The following MRPL9 variants were observed in gnomAD, a reference collection of about 807,000 sequenced individuals.
MRPL9 encodes large ribosomal subunit protein bL9m.
In MRPL9, 25 loss-of-function variants were observed where a neutral mutation model predicts 27.6. The observed-to-expected ratio is 0.91, with a 90% CI of 0.66 to 1.27. The LOEUF (loss-of-function observed/expected upper bound fraction) is 1.27. Ranked by LOEUF, MRPL9 falls within the 50% of genes most tolerant of loss-of-function variation. The pLI is 0.00. For missense variants in MRPL9, 362 were observed against 338.0 expected (o/e 1.07, Z -0.56); for synonymous variants, 154 against 139.0 (o/e 1.11, Z -0.76).
chr1:151,760,673 A>G, intron 6 of MRPL9, 143 bp downstream of exon 6: 1 of 644,890 alleles, frequency 1.6e-6, no homozygotes, highest in Non-Finnish European at 2.5e-6. Flanking sequence ...TGGGAGGCTG[A>G]GGTGGGAGGA....
intron 6 of MRPL9, 113 bp downstream of exon 6, chr1:151,760,703 T>G (rs1648023369): frequency 2.1e-6 from 2 of 961,074 alleles, no homozygotes; most frequent in Middle Eastern, 2.2e-4. Context: ...CCCAGGAGTT[T>G]GAATCCAGCC....
At chr1:151,762,778 T>C (rs1440035172) in intron 2 of MRPL9, 1 of 701,104 alleles carries the variant, frequency 1.4e-6, no homozygotes, top group Non-Finnish European at 2.4e-6. Flanking sequence ...CCCCACACAC[T>C]GTTAATGATG....
In MRPL9 at chr1:151,760,165, G is replaced by GT; in HGVS notation, c.688dup (p.Thr230AsnfsTer12). The GT allele has an allele frequency of 1.1e-5, 17 of 1,614,146 alleles. No individual in the cohort carries two copies. Among genetic ancestry groups the GT allele is most frequent in the Non-Finnish European group, 1.4e-5 (16 of 1,180,024 alleles). On this transcript the variant is annotated frameshift_variant, in exon 7 of 7. Coordinates refer to ENST00000368830, the MANE Select transcript of MRPL9 (RefSeq NM_031420.4). LOFTEE classifies it low-confidence loss of function (END_TRUNC). ...CACGACAGACATAGGCACTCTCACA[G>GT]TATCAAGCCCATTTACCTGCACACA...
In MRPL9 at chr1:151,760,795, G is replaced by C; in HGVS notation, c.672+21C>G. On this transcript the variant is annotated intron_variant, in intron 6 of 6. Transcript: ENST00000368830. ...GGAAAAGGAGAAAGAAAAGAAAAAA[G>C]AAAGTATGCAAAACACTCACCGTCA... The C allele has an allele frequency of 2.0e-6, 3 of 1,535,718 alleles. No homozygotes were observed. The South Asian group carries it at 3.7e-5, about 19-fold the overall frequency.
At position 151,760,910 on chromosome 1, in the gene MRPL9, A is replaced by C; in HGVS notation, c.589-11T>G. 1 of 1,540,152 alleles carries C rather than the reference A, an allele frequency of 6.5e-7. No homozygotes were observed. Among genetic ancestry groups the C allele is most frequent in the East Asian group, 2.3e-5 (1 of 44,232 alleles). ...AACCACAACACCAAGCTGCAAAAAA[A>C]AAAAAAAAAAAAAAAATCTCAGCTC... is the stretch of plus-strand genomic sequence containing the variant. On this transcript the variant is annotated splice_polypyrimidine_tract_variant and intron_variant, in intron 5 of 6. Coordinates refer to ENST00000368830, the MANE Select transcript of MRPL9 (RefSeq NM_031420.4).
Position 151,760,919 on chromosome 1 carries a change from A to AAAAAAAAAAC in MRPL9, c.589-21_589-20insGTTTTTTTTT. 1 of 1,550,258 alleles carries AAAAAAAAAAC rather than the reference A, an allele frequency of 6.5e-7. No individual in the cohort carries two copies. The highest frequency in any genetic ancestry group is 8.6e-7 in the Non-Finnish European group (1 of 1,159,064). On this transcript the variant is annotated intron_variant, in intron 5 of 6. Transcript: ENST00000368830. ...ACCAAGCTGCAAAAAAAAAAAAAAA[A>AAAAAAAAAAC]AAAAAAATCTCAGCTCAAATGAACT...
At chr1:151,760,675 G>A in intron 6 of MRPL9, 141 bp downstream of exon 6, 1 of 678,140 alleles carries the variant, frequency 1.5e-6, no homozygotes, top group Non-Finnish European at 2.3e-6. Context: ...GGAGGCTGAG[G>A]TGGGAGGATC....
In MRPL9 at chr1:151,762,919, G is replaced by A. The variant is rs769813857; in HGVS notation, c.310+71C>T. The A allele has an allele frequency of 6.5e-6, 10 of 1,537,924 alleles. No homozygotes were observed. In the South Asian group the frequency reaches 7.2e-5, roughly 11 times the overall value. ...AGAAAAAGCAAGGCAAATAGTTGAG[G>A]GGGACGGGCTAGAAAAAGCTGATGC... On this transcript the variant is annotated intron_variant, in intron 2 of 6. Coordinates refer to ENST00000368830, the MANE Select transcript of MRPL9 (RefSeq NM_031420.4).
In MRPL9 at chr1:151,760,057, T is replaced by TG. The variant is rs748653379; in HGVS notation, c.796dup (p.Gln266ProfsTer42). 2 of 1,613,870 alleles carry TG rather than the reference T, an allele frequency of 1.2e-6. No homozygotes were observed. The highest frequency in any genetic ancestry group is 1.3e-5 in the African/African-American group (1 of 75,038). ...CTTGGAGGGAGAGTAGATTTAGATC[T>TG]GGGGGCTGGTGGGGGCCATAGCCTT... On this transcript the variant is annotated frameshift_variant, in exon 7 of 7. Coordinates refer to ENST00000368830, the MANE Select transcript of MRPL9 (RefSeq NM_031420.4). LOFTEE classifies it high-confidence loss of function.
chr1:151,761,968 T>C lies in MRPL9; in HGVS notation c.486+137A>G, dbSNP rs916532052. 1.2e-5 allele frequency: 10 copies of C among 842,842 alleles called. No homozygotes were observed. In the African/African-American group the frequency reaches 1.7e-4, roughly 14 times the overall value. The allele number at this position is 842,842 out of a possible 1,614,324, so 52.2% of individuals were successfully genotyped here. A position where few individuals can be genotyped will look rare whatever the true frequency, so the allele number is the denominator to read the frequency against. On this transcript the variant is annotated intron_variant, in intron 4 of 6. Transcript: ENST00000368830. ...TCCCAAGAGGTCTCCATACCTGTTT[T>C]GTGGGGCAGCCACAACACTTCCCCT...
chr1:151,760,993 G>T, intron 5 of MRPL9, 94 bp from the exon 6 acceptor site: 1 of 1,173,592 alleles, frequency 8.5e-7, no homozygotes, highest in African/African-American at 1.6e-5. Context: ...AGGGTTACAG[G>T]ATTCCCTGCA....
chr1:151,762,024 AC>A, intron 4 of MRPL9, 80 bp downstream of exon 4: 1 of 1,379,344 alleles, frequency 7.2e-7, no homozygotes, highest in Non-Finnish European at 1.0e-6. Context: ...CAATCAGGAG[AC>A]CTCAAGGGAA....
intron 2 of MRPL9, 118 bp downstream of exon 2, chr1:151,762,872 T>G (rs910271578): frequency 8.2e-6 from 10 of 1,216,878 alleles, no homozygotes; most frequent in African/African-American, 7.6e-5. Context: ...TTCTCACATA[T>G]AGAGTTGGAT....
chr1:151,761,429 G>T, intron 5 of MRPL9, 22 bp downstream of exon 5: 1 of 1,575,526 alleles, frequency 6.3e-7, no homozygotes, highest in Non-Finnish European at 8.7e-7. Context: ...GGGTAGAGTG[G>T]TTTTTGGGAA....
rs777168753 is a variant in MRPL9, at chr1:151,762,385, C to T, written c.426G>A (p.Glu142=). 4 of 1,614,074 alleles carry T rather than the reference C, an allele frequency of 2.5e-6. No homozygotes were observed. The highest frequency in any genetic ancestry group is 3.4e-6 in the Non-Finnish European group (4 of 1,180,036). The change falls in exon 3 of 7, where the codon GAG becomes GAA. Residue 142 remains glutamate, a synonymous_variant. Transcript: ENST00000368830. ...ASPENKKLFE[E]EKLLRQEGKL... ...CTTCCTTTGAGCTCACCAATTTCTCCTCTTCAAACAGCTTCTTGTTTTCAG... is the reference window on the plus strand; with the variant it reads ...CTTCCTTTGAGCTCACCAATTTCTCTTCTTCAAACAGCTTCTTGTTTTCAG...
rs1647980740 is a variant in MRPL9 at position 151,759,854 on chromosome 1, A to C, written c.*196T>G. On this transcript the variant is annotated 3_prime_UTR_variant, in exon 7 of 7. Coordinates refer to ENST00000368830, the MANE Select transcript of MRPL9 (RefSeq NM_031420.4). The stretch of plus-strand genomic sequence containing the variant: ...TACAGCCTGGTACTTCTGGAACAGG[A>C]CTTCCCTGCCCCAGTGATGACAGTT... 3 of 645,166 alleles carry C rather than the reference A, an allele frequency of 4.6e-6. No individual in the cohort carries two copies. The South Asian group carries it at 7.8e-5, about 17-fold the overall frequency. The allele number at this position is 645,166 out of a possible 1,614,324, so 40.0% of individuals were successfully genotyped here.
Position 151,763,055 on chromosome 1 carries a change from A to T in MRPL9, c.245T>A (p.Leu82Gln). Residue 82 changes from leucine (L) to glutamine (Q), a missense_variant, in exon 2 of 7, where the codon CTG (leucine) becomes CAG (glutamine). Leu to Gln is a moderately radical substitution (Grantham distance 113, BLOSUM62 -2). Transcript: ENST00000368830. ...GGGCCGATGCTTCGTGTCCTCCACC[A>T]GCTTATAGACGCGATGTCGCCGGTG... ...RLHRRHRVYKLVEDTKHRPKE... is the reference protein window; with the variant it reads ...RLHRRHRVYKQVEDTKHRPKE... The T allele has an allele frequency of 5.6e-6, 9 of 1,614,168 alleles. No homozygotes were observed. Among genetic ancestry groups the T allele is most frequent in the Non-Finnish European group, 7.6e-6 (9 of 1,180,044 alleles).
rs1407374386 is a variant in MRPL9, at chr1:151,761,558, A to G, written c.487-6T>C. 27 of 1,597,364 alleles carry G rather than the reference A, an allele frequency of 1.7e-5. No individual in the cohort carries two copies. The highest frequency in any genetic ancestry group is 2.2e-5 in the Non-Finnish European group (26 of 1,165,584). ...CTTTTTAGAAATTTCACTGTCTGAA[A>G]GGAATTATGAGTTTGAGTCAAAGGA... On this transcript the variant is annotated splice_polypyrimidine_tract_variant and splice_region_variant and intron_variant, in intron 4 of 6. Coordinates refer to ENST00000368830, the MANE Select transcript of MRPL9 (RefSeq NM_031420.4).
At chr1:151,762,569 G>GAGA in intron 2 of MRPL9, 69 bp from the exon 3 acceptor site, 1 of 1,503,150 alleles carries the variant, frequency 6.7e-7, no homozygotes, top group Non-Finnish European at 9.0e-7. Context: ...ATGTCAAAAA[G>GAGA]AGAAGCACCT....
Sources: allele counts gnomAD v4.1 joint callset, GRCh38; gene constraint gnomAD v4.1.1; transcripts MANE v1.5; gene names NCBI Gene and HGNC (gene_info 2026-07-23, HGNC 2026-07-21).